The following SLC25A26 variants were observed in gnomAD, a reference collection of about 807,000 sequenced individuals.
The protein encoded by SLC25A26 is solute carrier family 25 member 26, also known as mitochondrial S-adenosylmethionine carrier protein.
In SLC25A26, 36 loss-of-function variants were observed where a neutral mutation model predicts 37.8. That is an observed-to-expected ratio of 0.95 (90% CI 0.73 to 1.26). SLC25A26 has a LOEUF of 1.26. Among genes scored for constraint, SLC25A26 ranks in the 50% most tolerant of loss-of-function variants. SLC25A26 has a pLI of 0.00. For missense variants in SLC25A26, 390 were observed against 331.1 expected (o/e 1.18, Z -1.38); for synonymous variants, 129 against 122.5 (o/e 1.05, Z -0.35).
chr3:66,140,878 C>T (rs1159166791), intron 1 of SLC25A26, among the ~76,000 whole-genome samples: 8 of 152,042 alleles, frequency 5.3e-5, no homozygotes, highest in African/African-American at 2.4e-5. Flanking sequence ...TAACAGGTTC[C>T]GGACTGCCAA....
intron 3 of SLC25A26, among the ~76,000 whole-genome samples, chr3:66,245,499 A>T (rs2072790765): frequency 6.6e-6 from 1 of 152,194 alleles, no homozygotes; most frequent in Non-Finnish European, 1.5e-5. Flanking sequence ...GTGAAGATAA[A>T]GGTCTTAAGT....
chr3:66,162,514 TGC>T (rs577340619), intron 1 of SLC25A26, among the ~76,000 whole-genome samples: 5 of 152,016 alleles, frequency 3.3e-5, no homozygotes, highest in Non-Finnish European at 7.4e-5. Context: ...TGCAGCAAAC[TGC>T]AAGTATTTTG....
At chr3:66,175,803 T>C (rs1444371101) in intron 1 of SLC25A26, among the ~76,000 whole-genome samples, 1 of 152,200 alleles carries the variant, frequency 6.6e-6, no homozygotes, top group Admixed American at 6.5e-5. Context: ...CTTCAACTGA[T>C]TGCATGAGGC....
chr3:66,136,385 A>G (rs761374232), intron 1 of SLC25A26, among the ~76,000 whole-genome samples: 6 of 152,260 alleles, frequency 3.9e-5, no homozygotes, highest in Admixed American at 1.3e-4. Flanking sequence ...GTTTATAATT[A>G]AAAACTACTT....
intron 5 of SLC25A26, among the ~76,000 whole-genome samples, chr3:66,286,646 T>G (rs960533631): frequency 1.3e-5 from 2 of 152,174 alleles, no homozygotes; most frequent in African/African-American, 4.8e-5. Flanking sequence ...GATGATGTTT[T>G]GATTTTCTGA....
chr3:66,292,859 G>A (rs2074762281), intron 5 of SLC25A26, among the ~76,000 whole-genome samples: 1 of 152,090 alleles, frequency 6.6e-6, no homozygotes, highest in Non-Finnish European at 1.5e-5. Context: ...AAGTTCTCCT[G>A]GATAATATCC....
intron 5 of SLC25A26, among the ~76,000 whole-genome samples, chr3:66,327,218 A>G (rs552905978): frequency 2.5e-4 from 38 of 152,148 alleles, no homozygotes; most frequent in Non-Finnish European, 4.7e-4. Context: ...TCCAACTTGT[A>G]TATTTCATAA....
chr3:66,355,625 A>G (rs1559733138), intron 6 of SLC25A26, among the ~76,000 whole-genome samples: 1 of 152,232 alleles, frequency 6.6e-6, no homozygotes, highest in Non-Finnish European at 1.5e-5. Flanking sequence ...TGCTATCAGA[A>G]ATCTCTTTTG....
At chr3:66,238,095 C>G (rs868958300) in intron 2 of SLC25A26, among the ~76,000 whole-genome samples, 2 of 152,260 alleles carry the variant, frequency 1.3e-5, no homozygotes, top group African/African-American at 4.8e-5. Context: ...CCACTCCATG[C>G]CAAGCATAGT....
intron 9 of SLC25A26, among the ~76,000 whole-genome samples, chr3:66,375,167 A>C (rs143822198): frequency 7.2e-5 from 11 of 152,330 alleles, no homozygotes; most frequent in Admixed American, 1.3e-4. Flanking sequence ...GCAAGGCATT[A>C]ACTCTCTTCC....
chr3:66,348,319 G>A (rs114058796), intron 6 of SLC25A26, among the ~76,000 whole-genome samples: 4 of 152,134 alleles, frequency 2.6e-5, no homozygotes, highest in Non-Finnish European at 1.5e-5. Context: ...GGCATCTTAC[G>A]TGGTAAGAGT....
intron 6 of SLC25A26, among the ~76,000 whole-genome samples, chr3:66,352,383 C>T (rs1174761978): frequency 6.6e-6 from 1 of 151,376 alleles, no homozygotes; most frequent in African/African-American, 2.4e-5. Context: ...TGCCCGGCCA[C>T]GTTGCGCTGA....
chr3:66,278,928 G>A (rs930070199), intron 5 of SLC25A26, among the ~76,000 whole-genome samples: 1 of 152,066 alleles, frequency 6.6e-6, no homozygotes, highest in African/African-American at 2.4e-5. Flanking sequence ...GAGTACCGGT[G>A]AACTAGTGTT....
chr3:66,264,725 C>G (rs1382337451), intron 5 of SLC25A26, among the ~76,000 whole-genome samples: 1 of 152,130 alleles, frequency 6.6e-6, no homozygotes, highest in African/African-American at 2.4e-5. Context: ...TCCCTGGTGC[C>G]AAAAAGGTTG....
chr3:66,172,955 C>T (rs1200149432), intron 1 of SLC25A26, among the ~76,000 whole-genome samples: 4 of 152,188 alleles, frequency 2.6e-5, no homozygotes, highest in Admixed American at 1.3e-4. Flanking sequence ...AGGTCACATT[C>T]TGAGGAACAG....
chr3:66,215,087 T>C (rs1381897968), intron 1 of SLC25A26, among the ~76,000 whole-genome samples: 2 of 152,154 alleles, frequency 1.3e-5, no homozygotes, highest in African/African-American at 4.8e-5. Context: ...AGAGCGCCAC[T>C]ACATTCCCGC....
chr3:66,177,016 A>G (rs1056410069), intron 1 of SLC25A26, among the ~76,000 whole-genome samples: 2 of 152,210 alleles, frequency 1.3e-5, no homozygotes, highest in African/African-American at 4.8e-5. Context: ...CTAGCTACAA[A>G]GGCAATTAAG....
intron 1 of SLC25A26, among the ~76,000 whole-genome samples, chr3:66,188,652 C>T (rs1469147676): frequency 4.6e-5 from 7 of 152,212 alleles, no homozygotes; most frequent in Admixed American, 2.6e-4. Flanking sequence ...GTATAGTCTG[C>T]GGAACTGTGA....
At chr3:66,188,698 C>A (rs1346001716) in intron 1 of SLC25A26, among the ~76,000 whole-genome samples, 4 of 152,254 alleles carry the variant, frequency 2.6e-5, no homozygotes, top group African/African-American at 9.6e-5. Flanking sequence ...AATTACCCAG[C>A]CCTCAGGTTT....
Sources: gnomAD v4.1 joint callset for allele counts (sites outside exome capture counted in the v4.1 genomes callset) on GRCh38, gnomAD v4.1.1 for gene constraint, MANE v1.5 for transcripts, NCBI Gene and HGNC (gene_info 2026-07-23, HGNC 2026-07-21) for gene names.